MYRIP: variants seen among roughly 807,000 people sequenced by gnomAD.
MYRIP encodes the protein myosin VIIA and Rab interacting protein, also known as rab effector MyRIP.
In MYRIP, 49 loss-of-function variants were observed where a neutral mutation model predicts 98.0. The ratio of observed to expected loss-of-function variants is 0.50; its 90% confidence interval spans 0.40 to 0.63. MYRIP has a LOEUF of 0.63. Ranked by LOEUF, MYRIP falls within the 30% of genes least tolerant of loss-of-function variation. MYRIP has a pLI of 0.00. For missense variants in MYRIP, 1,004 were observed against 1,058.2 expected, an observed-to-expected ratio of 0.95 and a Z score of 0.71; for synonymous variants, 404 against 409.5, an observed-to-expected ratio of 0.99 and a Z score of 0.16.
chr3:40,214,570 T>C (rs1284597219), intron 11 of MYRIP, among the ~76,000 whole-genome samples: 1 of 152,242 alleles, frequency 6.6e-6, no homozygotes, highest in Non-Finnish European at 1.5e-5. Flanking sequence ...GGATGGGCAC[T>C]GCAACCTGAA....
intron 15 of MYRIP, among the ~76,000 whole-genome samples, chr3:40,250,804 T>A (rs1953352481): frequency 1.3e-5 from 2 of 152,358 alleles, no homozygotes; most frequent in South Asian, 4.1e-4. Context: ...AGCTAAGTCC[T>A]CCTGGTGACC....
In MYRIP at chr3:39,905,608, G is replaced by A. The variant is rs116582191; in HGVS notation, c.110+4682G>A. On this transcript the variant is annotated intron_variant, in intron 2 of 16. Transcript: ENST00000302541. ...TTACCTCTTTACCTCCTTCTGCCCTGTGTCCCAGCTTTCCCTATAATAGCT... is the reference window on the plus strand; with the variant it reads ...TTACCTCTTTACCTCCTTCTGCCCTATGTCCCAGCTTTCCCTATAATAGCT... Among the ~76,000 whole-genome samples, 831 of 152,186 alleles carry A rather than the reference G, an allele frequency of 5.5e-3. 8 individuals carry two copies. Among genetic ancestry groups the A allele is most frequent in the African/African-American group, 0.019 (786 of 41,520 alleles).
At chr3:39,993,131 G>A (rs564560814) in intron 2 of MYRIP, among the ~76,000 whole-genome samples, 170 of 152,234 alleles carry the variant, frequency 1.1e-3, no homozygotes, top group Non-Finnish European at 1.8e-3. Context: ...GGGCATTCTT[G>A]CTGTGTCATC....
intron 1 of MYRIP, among the ~76,000 whole-genome samples, chr3:39,884,674 C>T (rs1032089299): frequency 2.0e-5 from 3 of 152,074 alleles, no homozygotes; most frequent in Non-Finnish European, 4.4e-5. Flanking sequence ...TTTTCTGCAT[C>T]TTGCTTTTTG....
intron 2 of MYRIP, among the ~76,000 whole-genome samples, chr3:40,025,865 A>G (rs1202596285): frequency 2.0e-5 from 3 of 152,170 alleles, no homozygotes; most frequent in Non-Finnish European, 4.4e-5. Context: ...TTCTGAGGAA[A>G]CAGAGCAAGA....
chr3:40,191,801 G>T (rs1397392160), intron 10 of MYRIP, among the ~76,000 whole-genome samples: 1 of 152,174 alleles, frequency 6.6e-6, no homozygotes, highest in Non-Finnish European at 1.5e-5. Flanking sequence ...AATCATTATT[G>T]TCTAGCTCAA....
intron 10 of MYRIP, among the ~76,000 whole-genome samples, chr3:40,191,770 A>G (rs978075501): frequency 6.6e-6 from 1 of 152,202 alleles, no homozygotes; most frequent in African/African-American, 2.4e-5. Flanking sequence ...GAATAAAATT[A>G]AAAACTTTGG....
chr3:40,181,789 A>G (rs536487882), intron 8 of MYRIP, among the ~76,000 whole-genome samples: 2 of 152,240 alleles, frequency 1.3e-5, no homozygotes, highest in South Asian at 2.1e-4. Flanking sequence ...TAGGAGCTAC[A>G]TGGGAATATG....
chr3:39,895,920 T>C (rs919184648), intron 1 of MYRIP, among the ~76,000 whole-genome samples: 2 of 146,700 alleles, frequency 1.4e-5, no homozygotes, highest in Non-Finnish European at 3.0e-5. Flanking sequence ...GTGTGTGGTG[T>C]GTGTGTGTGT....
At chr3:39,957,681 C>T (rs1397744882) in intron 2 of MYRIP, among the ~76,000 whole-genome samples, 1 of 151,618 alleles carries the variant, frequency 6.6e-6, no homozygotes, top group Non-Finnish European at 1.5e-5. Flanking sequence ...CTGGCCAGGG[C>T]AATCAGGCAG....
chr3:40,197,025 C>G (rs760948392), intron 10 of MYRIP, among the ~76,000 whole-genome samples: 1 of 152,156 alleles, frequency 6.6e-6, no homozygotes, highest in South Asian at 2.1e-4. Flanking sequence ...TACCTTTGCA[C>G]GCTGAGCCTC....
chr3:40,145,349 T>A (rs532057012), intron 3 of MYRIP, among the ~76,000 whole-genome samples: 1 of 152,200 alleles, frequency 6.6e-6, no homozygotes, highest in Non-Finnish European at 1.5e-5. Flanking sequence ...TATGATGAAG[T>A]TTTATGGGAA....
At chr3:40,145,560 G>T (rs1352804638) in intron 3 of MYRIP, among the ~76,000 whole-genome samples, 1 of 152,130 alleles carries the variant, frequency 6.6e-6, no homozygotes, top group Non-Finnish European at 1.5e-5. Flanking sequence ...CTCTTTCAGG[G>T]GTTTCTCTTT....
intron 2 of MYRIP, 110 bp from the exon 3 acceptor site, chr3:40,043,940 C>T: frequency 1.1e-6 from 1 of 907,770 alleles, no homozygotes; most frequent in East Asian, 2.6e-5. Context: ...GAAGGTCCTA[C>T]ATGGTAGCTT....
At position 40,204,235 on chromosome 3, in the gene MYRIP, A is replaced by ATAT. The variant is rs1553626939; in HGVS notation, c.1666-5618_1666-5617insATT. The stretch of plus-strand genomic sequence containing the variant: ...ATATATTATATATAAATATATATAT[A>ATAT]TTTTTTTTTTTTGAGACAGAGTCTC... On this transcript the variant is annotated intron_variant, in intron 10 of 16. Coordinates refer to ENST00000302541, the MANE Select transcript of MYRIP (RefSeq NM_015460.4). Among the ~76,000 whole-genome samples, 125 of 26,708 alleles carry ATAT rather than the reference A, an allele frequency of 4.7e-3. 11 individuals are homozygous for ATAT. Among genetic ancestry groups the ATAT allele is most frequent in the African/African-American group, 0.016 (100 of 6,186 alleles). 17.5% of individuals were successfully genotyped at this position (26,708 alleles called of 152,430 possible).
At chr3:40,118,415 C>G (rs1261359919) in intron 3 of MYRIP, among the ~76,000 whole-genome samples, 2 of 152,082 alleles carry the variant, frequency 1.3e-5, no homozygotes, top group Non-Finnish European at 2.9e-5. Context: ...CCCTGAAGCA[C>G]TGACGTAATA....
intron 1 of MYRIP, among the ~76,000 whole-genome samples, chr3:39,892,725 A>T (rs1160994530): frequency 2.0e-5 from 3 of 152,218 alleles, no homozygotes; most frequent in Non-Finnish European, 2.9e-5. Context: ...ATGATATTAT[A>T]GAGAACTTGG....
At chr3:40,116,976 G>A (rs549658461) in intron 3 of MYRIP, among the ~76,000 whole-genome samples, 10 of 152,122 alleles carry the variant, frequency 6.6e-5, no homozygotes, top group South Asian at 2.1e-4. Flanking sequence ...TCTGTGAATC[G>A]TTCTCTTGTG....
intron 3 of MYRIP, 90 bp from the exon 4 acceptor site, chr3:40,150,958 T>G (rs1950105805): frequency 8.1e-7 from 1 of 1,238,888 alleles, no homozygotes; most frequent in Non-Finnish European, 1.1e-6. Flanking sequence ...CTTCACATCT[T>G]GATGGATGGA....
Sources: gnomAD v4.1 joint callset for allele counts (sites outside exome capture counted in the v4.1 genomes callset) on GRCh38, gnomAD v4.1.1 for gene constraint, MANE v1.5 for transcripts, NCBI Gene and HGNC (gene_info 2026-07-23, HGNC 2026-07-21) for gene names.